Variants in FRAS1 observed in about 807,000 individuals in gnomAD.
FRAS1 encodes Fraser extracellular matrix complex subunit 1, also known as extracellular matrix organizing protein FRAS1.
Under a neutral mutation model 435.2 loss-of-function variants are expected in FRAS1, and 290 were observed. The ratio of observed to expected loss-of-function variants is 0.67; its 90% confidence interval spans 0.61 to 0.73. The LOEUF (loss-of-function observed/expected upper bound fraction) is 0.73, where lower values mean the gene tolerates loss of function less well. Among genes scored for constraint, FRAS1 ranks in the 30% least tolerant of loss-of-function variants. The pLI is 0.00. For synonymous variants in FRAS1, 1,800 were observed against 1,851.0 expected, an observed-to-expected ratio of 0.97 and a Z score of 0.71; for missense variants, 4,860 against 5,001.5, an observed-to-expected ratio of 0.97 and a Z score of 0.85.
chr4:78,372,775 G>T lies in FRAS1; in HGVS notation c.2927G>T (p.Cys976Phe), dbSNP rs766885751. ...CCCCTGAAAACAGACTGCCTGCAGT[G>T]CATGGATGGCTATGTTCTCCAGGAT... Reference protein sequence around the residue: ...SGPLKTDCLQCMDGYVLQDGA... With the variant: ...SGPLKTDCLQFMDGYVLQDGA... The change falls in exon 24 of 74, where the codon TGC becomes TTC. Residue 976 changes from cysteine (C) to phenylalanine (F), a missense_variant. Transcript: ENST00000512123. The T allele has an allele frequency of 6.2e-7, 1 of 1,613,224 alleles. No homozygotes were observed. The highest frequency in any genetic ancestry group is 8.5e-7 in the Non-Finnish European group (1 of 1,179,716).
chr4:78,430,509 C>A (rs376070341), intron 37 of FRAS1, 92 bp downstream of exon 37: 2 of 1,336,146 alleles, frequency 1.5e-6, no homozygotes, highest in Non-Finnish European at 2.0e-6. Flanking sequence ...GAGAGCAAAG[C>A]GTCTTTGTGA....
chr4:78,536,191 ATTTTTT>A (rs11355997), intron 71 of FRAS1, among the ~76,000 whole-genome samples: 1 of 103,986 alleles, frequency 9.6e-6, no homozygotes, highest in Non-Finnish European at 1.9e-5. Flanking sequence ...TTGTACATGG[ATTTTTT>A]TTTTTTTTTT....
intron 61 of FRAS1, among the ~76,000 whole-genome samples, chr4:78,505,666 G>A (rs1720812164): frequency 6.6e-6 from 1 of 152,074 alleles, no homozygotes; most frequent in South Asian, 2.1e-4. Context: ...TTTGTGATGG[G>A]TTAGAACGTG....
intron 61 of FRAS1, among the ~76,000 whole-genome samples, chr4:78,500,185 G>A (rs1409745446): frequency 2.0e-5 from 3 of 152,076 alleles, no homozygotes; most frequent in South Asian, 2.1e-4. Context: ...CCTAAGATTT[G>A]GTTGAATGAT....
intron 14 of FRAS1, among the ~76,000 whole-genome samples, chr4:78,307,830 T>C (rs1728847266): frequency 6.6e-6 from 1 of 152,216 alleles, no homozygotes; most frequent in African/African-American, 2.4e-5. Context: ...GTTGCTCACG[T>C]TGGGAGCTGT....
In FRAS1 at chr4:78,541,001, T is replaced by C. The variant is rs1722033007; in HGVS notation, c.11916T>C (p.Thr3972=). Residue 3972 remains threonine, a synonymous_variant, in exon 74 of 74, where the codon ACT becomes ACC. Transcript: ENST00000512123. ...AGAACGTGAATAGACACTACTGCAC[T>C]GTGCGGAACGTCAACATCCTGAGTG... The part of the protein sequence containing the change: ...VEKNVNRHYC[T]VRNVNILSEP... 7.7e-6 allele frequency: 12 copies of C among 1,567,418 alleles called. No individual in the cohort carries two copies. In the East Asian group the frequency reaches 2.3e-4, roughly 30 times the overall value.
At chr4:78,115,887 T>C (rs1442501375) in intron 2 of FRAS1, among the ~76,000 whole-genome samples, 2 of 152,006 alleles carry the variant, frequency 1.3e-5, no homozygotes. Context: ...GAGTGTATTT[T>C]CTCTTGCTTC....
rs200934946 is a variant in FRAS1 at position 78,267,353 on chromosome 4, C to T, written c.902C>T (p.Ser301Leu). ...TACCAGGACGAAATGTGGAAGGGCT[C>T]GGCCTGTGAGTTCTGCATGTGTGAT... ...VRYQDEMWKG[S>L]ACEFCMCDHG... Residue 301 changes from serine (S) to leucine (L), a missense_variant, in exon 9 of 74, where the codon TCG (serine) becomes TTG (leucine). By Grantham distance (145) the Ser-to-Leu change is moderately radical. Coordinates refer to ENST00000512123, the MANE Select transcript of FRAS1 (RefSeq NM_025074.7). The T allele has an allele frequency of 1.4e-4, 230 of 1,613,760 alleles. No homozygotes were observed. In the African/African-American group the frequency reaches 2.4e-3, roughly 17 times the overall value.
At chr4:78,301,623 G>C (rs775546076) in intron 14 of FRAS1, among the ~76,000 whole-genome samples, 9 of 152,152 alleles carry the variant, frequency 5.9e-5, no homozygotes, top group Non-Finnish European at 1.2e-4. Flanking sequence ...AGCTGATTCT[G>C]ATGGTGCTGC....
chr4:78,373,035 C>A (rs987099597), intron 24 of FRAS1, among the ~76,000 whole-genome samples, 177 bp downstream of exon 24: 4 of 152,054 alleles, frequency 2.6e-5, no homozygotes, highest in South Asian at 2.1e-4. Context: ...ATCTTCCATG[C>A]CTTAATAAGA....
chr4:78,502,948 C>A (rs528267522), intron 61 of FRAS1, among the ~76,000 whole-genome samples: 260 of 152,226 alleles, frequency 1.7e-3, no homozygotes, highest in South Asian at 5.0e-3. Flanking sequence ...TTGTCAAAGG[C>A]CTTTTCTGCA....
intron 2 of FRAS1, among the ~76,000 whole-genome samples, chr4:78,216,851 A>T (rs890151677): frequency 6.6e-6 from 1 of 152,228 alleles, no homozygotes. Context: ...AGACTGTGTC[A>T]GAGAAAAGAA....
chr4:78,300,050 A>G (rs760734178), intron 14 of FRAS1, among the ~76,000 whole-genome samples: 1 of 152,192 alleles, frequency 6.6e-6, no homozygotes, highest in Non-Finnish European at 1.5e-5. Flanking sequence ...TAATGACTTT[A>G]GATCAACTCC....
intron 70 of FRAS1, among the ~76,000 whole-genome samples, chr4:78,531,662 G>A (rs749757703): frequency 4.6e-5 from 7 of 152,092 alleles, no homozygotes; most frequent in Non-Finnish European, 1.0e-4. Flanking sequence ...TTTCTGTCCT[G>A]TTGGAGTGAG....
At chr4:78,309,792 G>C (rs1166308124) in intron 15 of FRAS1, among the ~76,000 whole-genome samples, 4 of 152,164 alleles carry the variant, frequency 2.6e-5, no homozygotes, top group Non-Finnish European at 4.4e-5. Flanking sequence ...CATCCTGACA[G>C]TAAATGAAAG....
chr4:78,255,178 G>T, intron 5 of FRAS1, 64 bp from the exon 6 acceptor site: 1 of 1,520,946 alleles, frequency 6.6e-7, no homozygotes, highest in Non-Finnish European at 8.9e-7. Context: ...GCACGCCCAT[G>T]CAGTCAGCCC....
At chr4:78,464,275 A>G in intron 48 of FRAS1, 130 bp downstream of exon 48, 2 of 1,366,498 alleles carry the variant, frequency 1.5e-6, no homozygotes, top group Non-Finnish European at 2.0e-6. Context: ...GGGTAGGGGC[A>G]GCCTCTGTAG....
intron 55 of FRAS1, among the ~76,000 whole-genome samples, chr4:78,478,395 G>T (rs556475640): frequency 6.6e-6 from 1 of 152,294 alleles, no homozygotes; most frequent in South Asian, 2.1e-4. Context: ...CCTTGGTCAA[G>T]GAGGGAAGTT....
At chr4:78,317,587 T>A in intron 17 of FRAS1, 79 bp downstream of exon 17, 1 of 1,332,834 alleles carries the variant, frequency 7.5e-7, no homozygotes, top group Non-Finnish European at 1.0e-6. Flanking sequence ...AATATAACTT[T>A]CCAGTGTAAC....
Sources: gnomAD v4.1 joint callset for allele counts (sites outside exome capture counted in the v4.1 genomes callset) on GRCh38, gnomAD v4.1.1 for gene constraint, MANE v1.5 for transcripts, NCBI Gene and HGNC (gene_info 2026-07-23, HGNC 2026-07-21) for gene names.